The following ADCY2 variants were observed in gnomAD, a reference collection of about 807,000 sequenced individuals.
ADCY2 encodes the protein adenylate cyclase 2.
In ADCY2, 31 loss-of-function variants were observed where a neutral mutation model predicts 125.2. The ratio of observed to expected loss-of-function variants is 0.25; its 90% CI spans 0.19 to 0.33. The LOEUF (loss-of-function observed/expected upper bound fraction) is 0.33. Among genes scored for constraint, ADCY2 ranks in the 10% least tolerant of loss-of-function variants. ADCY2 has a pLI of 1.00. For synonymous variants in ADCY2, 512 were observed against 548.4 expected (o/e 0.93, Z 0.93); for missense variants, 904 against 1,418.2 (o/e 0.64, Z 5.82).
chr5:7,765,083 T>G (rs1010027976), intron 16 of ADCY2, among the ~76,000 whole-genome samples: 4 of 152,210 alleles, frequency 2.6e-5, no homozygotes, highest in Non-Finnish European at 4.4e-5. Flanking sequence ...AAAACCTCCT[T>G]GCAAGACACA....
chr5:7,722,640 A>G (rs1044603951), intron 12 of ADCY2, among the ~76,000 whole-genome samples: 2 of 152,128 alleles, frequency 1.3e-5, no homozygotes, highest in African/African-American at 4.8e-5. Context: ...ATACCCTTGA[A>G]TCAAAGAACT....
Position 7,542,198 on chromosome 5 carries a change from A to G in ADCY2, c.570+21299A>G, listed in dbSNP as rs150166781. Among the ~76,000 whole-genome samples the G allele has an allele frequency of 2.7e-3, 413 of 152,220 alleles. 2 individuals carry two copies. Among genetic ancestry groups the G allele is most frequent in the African/African-American group, 9.6e-3 (400 of 41,544 alleles). ...ATCAACCTACTCTCCTGATGTTCCAAATGGTCCAAATAGGAGACTCAGCTT... is the reference window on the plus strand; with the variant it reads ...ATCAACCTACTCTCCTGATGTTCCAGATGGTCCAAATAGGAGACTCAGCTT... On this transcript the variant is annotated intron_variant, in intron 3 of 24. Transcript: ENST00000338316.
rs755112681 is a variant in ADCY2, at chr5:7,820,700, G to A, written c.3123+11G>A. The A allele has an allele frequency of 1.2e-6, 2 of 1,612,408 alleles. No individual in the cohort carries two copies. Among genetic ancestry groups the A allele is most frequent in the Admixed American group, 1.7e-5 (1 of 59,958 alleles). ...CTGGACAAAATACAGGTAATGCAGAGTGTGGTCTGCGCTGCCTGCATCAAC... is the reference window on the plus strand; with the variant it reads ...CTGGACAAAATACAGGTAATGCAGAATGTGGTCTGCGCTGCCTGCATCAAC... On this transcript the variant is annotated intron_variant, in intron 24 of 24. Coordinates refer to ENST00000338316, the MANE Select transcript of ADCY2 (RefSeq NM_020546.3).
At chr5:7,600,248 C>G (rs1251603304) in intron 3 of ADCY2, among the ~76,000 whole-genome samples, 1 of 152,056 alleles carries the variant, frequency 6.6e-6, no homozygotes, top group African/African-American at 2.4e-5. Flanking sequence ...GTGGCCAAAT[C>G]AATGGGAGAG....
chr5:7,518,746 C>T (rs145412956), intron 2 of ADCY2, among the ~76,000 whole-genome samples: 7 of 152,212 alleles, frequency 4.6e-5, no homozygotes, highest in East Asian at 3.9e-4. Context: ...TGTCCCGAGA[C>T]GGCTGGACTC....
At chr5:7,643,745 A>G (rs910188697) in intron 4 of ADCY2, among the ~76,000 whole-genome samples, 24 of 151,874 alleles carry the variant, frequency 1.6e-4, no homozygotes, top group African/African-American at 4.1e-4. Context: ...GTTATGCCAT[A>G]TCTAGTGTCT....
At chr5:7,691,688 T>G (rs1282497297) in intron 5 of ADCY2, 1 of 152,258 alleles carries the variant, frequency 6.6e-6, no homozygotes, top group East Asian at 1.9e-4. Flanking sequence ...GGGTTTGTTC[T>G]TTCATCCACT....
chr5:7,574,345 C>T (rs1736176422), intron 3 of ADCY2, among the ~76,000 whole-genome samples: 1 of 151,808 alleles, frequency 6.6e-6, no homozygotes, highest in Non-Finnish European at 1.5e-5. Flanking sequence ...CACTGACTTC[C>T]ACAATGGTTG....
chr5:7,701,292 T>C (rs758518049), intron 7 of ADCY2, among the ~76,000 whole-genome samples: 1 of 152,208 alleles, frequency 6.6e-6, no homozygotes, highest in South Asian at 2.1e-4. Context: ...ACCCATTTAC[T>C]AAAGCCTTGT....
intron 24 of ADCY2, among the ~76,000 whole-genome samples, chr5:7,823,764 GA>G (rs1745375909): frequency 6.6e-6 from 1 of 152,192 alleles, no homozygotes; most frequent in South Asian, 2.1e-4. Context: ...AAAGCAATTT[GA>G]GTGAGGCAGG....
intron 2 of ADCY2, among the ~76,000 whole-genome samples, chr5:7,507,294 A>G (rs1392887730): frequency 2.8e-5 from 4 of 143,982 alleles, no homozygotes; most frequent in South Asian, 2.3e-4. Context: ...ACAAAAAATT[A>G]GCCGGGCGTA....
chr5:7,787,469 G>C (rs768019125), intron 19 of ADCY2, among the ~76,000 whole-genome samples: 8 of 152,188 alleles, frequency 5.3e-5, no homozygotes, highest in Non-Finnish European at 1.0e-4. Flanking sequence ...AAATAACAAG[G>C]GTTAGGACTT....
At chr5:7,782,378 TA>T (rs1743947103) in intron 18 of ADCY2, 1 of 157,702 alleles carries the variant, frequency 6.3e-6, no homozygotes, top group Non-Finnish European at 1.5e-5. Flanking sequence ...TCTGTCTGAT[TA>T]ACTGAAAACC....
At chr5:7,438,052 G>A (rs1450051453) in intron 2 of ADCY2, among the ~76,000 whole-genome samples, 1 of 152,196 alleles carries the variant, frequency 6.6e-6, no homozygotes, top group Non-Finnish European at 1.5e-5. Flanking sequence ...TCAACTCACT[G>A]ATTACAATCT....
intron 2 of ADCY2, among the ~76,000 whole-genome samples, chr5:7,458,202 AAG>A (rs1053394419): frequency 1.4e-4 from 21 of 152,326 alleles, no homozygotes; most frequent in African/African-American, 4.8e-4. Flanking sequence ...AGAACAGAAA[AAG>A]AGTGGGAAAA....
chr5:7,759,208 T>C (rs944596196), intron 16 of ADCY2, among the ~76,000 whole-genome samples: 5 of 152,188 alleles, frequency 3.3e-5, no homozygotes, highest in African/African-American at 1.2e-4. Context: ...GGGACAAGTA[T>C]GCTGGCAGCC....
intron 10 of ADCY2, among the ~76,000 whole-genome samples, chr5:7,710,894 G>C (rs1741418678): frequency 6.6e-6 from 1 of 152,166 alleles, no homozygotes; most frequent in African/African-American, 2.4e-5. Flanking sequence ...ATAAGACTTG[G>C]TGATGGATTG....
chr5:7,694,285 A>G (rs745720105), intron 5 of ADCY2, among the ~76,000 whole-genome samples: 1 of 152,198 alleles, frequency 6.6e-6, no homozygotes, highest in Non-Finnish European at 1.5e-5. Context: ...TAAAATATGC[A>G]TAACATAACA....
chr5:7,547,236 C>T (rs1295842237), intron 3 of ADCY2, among the ~76,000 whole-genome samples: 2 of 152,186 alleles, frequency 1.3e-5, no homozygotes, highest in Non-Finnish European at 2.9e-5. Flanking sequence ...TGCTATGGTG[C>T]CTGGGCTTCA....
Sources: gnomAD v4.1 joint callset for allele counts (sites outside exome capture counted in the v4.1 genomes callset) on GRCh38, gnomAD v4.1.1 for gene constraint, MANE v1.5 for transcripts, NCBI Gene and HGNC (gene_info 2026-07-23, HGNC 2026-07-21) for gene names.